The following CDK5RAP2 variants were observed in gnomAD, a reference collection of about 807,000 sequenced individuals.
The protein encoded by CDK5RAP2 is CDK5 regulatory subunit associated protein 2.
A neutral mutation model predicts 232.9 loss-of-function variants in CDK5RAP2; 147 were observed. The ratio of observed to expected loss-of-function variants is 0.63; its 90% CI spans 0.55 to 0.72. The LOEUF is 0.72. CDK5RAP2 is among the 30% of genes least tolerant of loss of function. CDK5RAP2 has a pLI of 0.00. For missense variants in CDK5RAP2, 2,195 were observed against 2,231.5 expected (o/e 0.98, Z 0.33); for synonymous variants, 833 against 833.7 (o/e 1.00, Z 0.01).
intron 27 of CDK5RAP2, among the ~76,000 whole-genome samples, chr9:120,418,163 T>C (rs1327557436): frequency 3.4e-4 from 51 of 152,080 alleles, no homozygotes; most frequent in Non-Finnish European, 2.4e-4. Context: ...CCAAAAAAGA[T>C]GATGGTGGGC....
At chr9:120,568,499 C>G (rs964312110) in intron 2 of CDK5RAP2, 111 bp from the exon 3 acceptor site, 1 of 812,738 alleles carries the variant, frequency 1.2e-6, no homozygotes, top group Non-Finnish European at 2.2e-6. Flanking sequence ...CCACAGTACA[C>G]GCGGCTGGTA....
Position 120,518,165 on chromosome 9 carries a change from C to CTGTG in CDK5RAP2, c.1311+258_1311+261dup, listed in dbSNP as rs56032707. 0.21 allele frequency among the ~76,000 whole-genome samples: 23,801 copies of CTGTG among 110,918 alleles called. 2,783 individuals are homozygous for CTGTG. The highest frequency in any genetic ancestry group is 0.3 in the East Asian group (1,037 of 3,478). 72.8% of individuals were successfully genotyped at this position (110,918 alleles called of 152,430 possible). A position where few individuals can be genotyped will look rare whatever the true frequency, so the allele number is the denominator to read the frequency against. ...CTGTATTTTCAACTCGATAACAACT[C>CTGTG]TGTGTGTGTGTGTGTGTGTGTGTGT... On this transcript the variant is annotated intron_variant, in intron 12 of 37. Coordinates refer to ENST00000349780, the MANE Select transcript of CDK5RAP2 (RefSeq NM_018249.6).
In CDK5RAP2 at chr9:120,467,916, T is replaced by C. The variant is rs146216763; in HGVS notation, c.2050A>G (p.Met684Val). The change falls in exon 18 of 38, where the codon ATG becomes GTG. Residue 684 changes from methionine (M) to valine (V), a missense_variant. Transcript: ENST00000349780. ...GGAAACCCATTTCCCTGGAAACCCA[T>C]GCAGGAGAGATCAAAAATGGTTTTC... The part of the protein sequence containing the change: ...LKKTIFDLSC[M>V]GFQGNGFPDR... 1.9e-6 allele frequency: 3 copies of C among 1,614,066 alleles called. No individual in the cohort carries two copies. The highest frequency in any genetic ancestry group is 1.7e-6 in the Non-Finnish European group (2 of 1,180,012).
At chr9:120,450,114 G>A (rs1229175425) in intron 21 of CDK5RAP2, among the ~76,000 whole-genome samples, 50 of 152,174 alleles carry the variant, frequency 3.3e-4, no homozygotes, top group Non-Finnish European at 2.4e-4. Flanking sequence ...GCTCAAATGT[G>A]CATCAACTAA....
Position 120,579,944 on chromosome 9 carries a change from A to T in CDK5RAP2, c.35T>A (p.Val12Asp), listed in dbSNP as rs777295408. The T allele has an allele frequency of 6.2e-7, 1 of 1,613,368 alleles. No individual in the cohort carries two copies. The highest frequency in any genetic ancestry group is 1.7e-5 in the Admixed American group (1 of 60,010). ...CCTGCAGCCGCTGAGCGTCCCAGGG[A>T]CGGTGACGTCCTCTTCCAACACCAA... ...MDLVLEEDVT[V>D]PGTLSGCSGL... The change falls in exon 1 of 38, where the codon GTC becomes GAC. Residue 12 changes from valine to aspartate, a missense_variant. Val to Asp is a radical substitution (Grantham distance 152). Coordinates refer to ENST00000349780, the MANE Select transcript of CDK5RAP2 (RefSeq NM_018249.6).
chr9:120,480,020 C>T (rs370939858), intron 14 of CDK5RAP2, among the ~76,000 whole-genome samples: 5 of 152,262 alleles, frequency 3.3e-5, no homozygotes, highest in African/African-American at 1.2e-4. Context: ...AAAATACAAT[C>T]CTTTATTTTT....
intron 35 of CDK5RAP2, among the ~76,000 whole-genome samples, chr9:120,395,130 ATT>A (rs1165835287): frequency 6.6e-6 from 1 of 152,228 alleles, no homozygotes. Context: ...AGCTCTATGC[ATT>A]GATATCAAAA....
rs576203559 is a variant in CDK5RAP2 at position 120,396,316 on chromosome 9, C to T, written c.5452-1678G>A. On this transcript the variant is annotated intron_variant, in intron 35 of 37. Coordinates refer to ENST00000349780, the MANE Select transcript of CDK5RAP2 (RefSeq NM_018249.6). ...TCTGGTCATGGCTCCAGAGGCCACA[C>T]ATTCCAGGACAAAGTCTCTCTACAG... Among the ~76,000 whole-genome samples the T allele has an allele frequency of 1.4e-4, 21 of 152,370 alleles. 1 individual carries two copies. Among genetic ancestry groups the T allele is most frequent in the African/African-American group, 4.3e-4 (18 of 41,594 alleles).
chr9:120,497,421 T>TTAAAAAAAAAAAAAAAA (rs2039346773), intron 12 of CDK5RAP2, among the ~76,000 whole-genome samples: 1 of 23,314 alleles, frequency 4.3e-5, no homozygotes, highest in African/African-American at 6.6e-4. Flanking sequence ...AAAATAAATT[T>TTAAAAAAAAAAAAAAAA]AAAAAAAAAA....
At position 120,580,034 on chromosome 9, in the gene CDK5RAP2, C is replaced by T. The variant is rs1435625773; in HGVS notation, c.-56G>A. 12 of 1,196,792 alleles carry T rather than the reference C, an allele frequency of 1.0e-5. No individual in the cohort carries two copies. Among genetic ancestry groups the T allele is most frequent in the Non-Finnish European group, 1.5e-5 (12 of 812,548 alleles). 74.1% of individuals were successfully genotyped at this position (1,196,792 alleles called of 1,614,324 possible). On this transcript the variant is annotated 5_prime_UTR_variant, in exon 1 of 38. Transcript: ENST00000349780. ...TGTGGCGGCGGCGCCACTAGTACCCCCCGCGATAGCGACCCGCCGGGCTCC... is the reference window on the plus strand; with the variant it reads ...TGTGGCGGCGGCGCCACTAGTACCCTCCGCGATAGCGACCCGCCGGGCTCC...
At chr9:120,491,140 C>T (rs186663119) in intron 13 of CDK5RAP2, among the ~76,000 whole-genome samples, 167 bp downstream of exon 13, 68 of 152,300 alleles carry the variant, frequency 4.5e-4, no homozygotes, top group Admixed American at 6.5e-4. Context: ...TGTTTCACCA[C>T]ACTTACCTCC....
In CDK5RAP2 at chr9:120,404,126, A is replaced by G. The variant is rs752915487; in HGVS notation, c.4964-13T>C. ...TATTTGTCACCATCTACAAAATGCA[A>G]AACACGAGAACTGTTAGTTTCACTG... On this transcript the variant is annotated splice_polypyrimidine_tract_variant and intron_variant, in intron 32 of 37. Transcript: ENST00000349780. 22 of 1,561,212 alleles carry G rather than the reference A, an allele frequency of 1.4e-5. No homozygotes were observed. The East Asian group carries it at 4.9e-4, about 35-fold the overall frequency.
At chr9:120,502,342 T>A (rs2039615234) in intron 12 of CDK5RAP2, among the ~76,000 whole-genome samples, 1 of 152,152 alleles carries the variant, frequency 6.6e-6, no homozygotes. Context: ...ACTTTTCCTG[T>A]GCACAGTAAT....
intron 4 of CDK5RAP2, among the ~76,000 whole-genome samples, chr9:120,548,365 T>C (rs2041926784): frequency 6.6e-6 from 1 of 152,228 alleles, no homozygotes; most frequent in South Asian, 2.1e-4. Flanking sequence ...TCCAATTTAA[T>C]ACATTTAAAA....
At chr9:120,434,904 G>A (rs1486174665) in intron 25 of CDK5RAP2, among the ~76,000 whole-genome samples, 1 of 152,154 alleles carries the variant, frequency 6.6e-6, no homozygotes, top group Non-Finnish European at 1.5e-5. Context: ...AAGAGAGAAA[G>A]GGGAATGGAA....
chr9:120,488,962 G>A (rs574652138), intron 13 of CDK5RAP2, among the ~76,000 whole-genome samples: 11 of 152,236 alleles, frequency 7.2e-5, no homozygotes, highest in African/African-American at 1.2e-4. Context: ...TCTCTCTTTC[G>A]GTTATTCTCT....
intron 36 of CDK5RAP2, among the ~76,000 whole-genome samples, chr9:120,392,301 A>G (rs1049341424): frequency 5.3e-5 from 8 of 152,210 alleles, no homozygotes; most frequent in African/African-American, 1.9e-4. Flanking sequence ...TCACGTCTCC[A>G]GTTAGAGATG....
intron 29 of CDK5RAP2, among the ~76,000 whole-genome samples, chr9:120,410,303 C>T (rs1041033190): frequency 3.3e-5 from 5 of 152,188 alleles, no homozygotes; most frequent in African/African-American, 7.2e-5. Flanking sequence ...CCTTCCTGAA[C>T]GGCCTAGACT....
chr9:120,556,432 CTT>C (rs34296658), intron 3 of CDK5RAP2, among the ~76,000 whole-genome samples: 15 of 144,446 alleles, frequency 1.0e-4, no homozygotes, highest in Admixed American at 1.4e-4. Context: ...TTAGTAAATA[CTT>C]TTTTTTTTTT....
Sources: gnomAD v4.1 joint callset for allele counts (sites outside exome capture counted in the v4.1 genomes callset) on GRCh38, gnomAD v4.1.1 for gene constraint, MANE v1.5 for transcripts, NCBI Gene and HGNC (gene_info 2026-07-23, HGNC 2026-07-21) for gene names.